Variants in KMT2D observed in about 807,000 individuals in gnomAD.
The protein encoded by KMT2D is lysine methyltransferase 2D.
Under a neutral mutation model 512.7 loss-of-function variants are expected in KMT2D, and 55 were observed. That is an observed-to-expected ratio of 0.11 (90% CI 0.09 to 0.13). The LOEUF (loss-of-function observed/expected upper bound fraction) is 0.13. KMT2D is among the 10% of genes least tolerant of loss of function. The pLI, the probability that KMT2D is intolerant of heterozygous loss-of-function variation, is 1.00. For missense variants in KMT2D, 6,061 were observed against 7,127.9 expected, an observed-to-expected ratio of 0.85 and a Z score of 5.39; for synonymous variants, 2,995 against 2,904.0, an observed-to-expected ratio of 1.03 and a Z score of -1.01.
Position 49,021,564 on chromosome 12 carries a change from C to T in KMT2D, c.*216G>A. On this transcript the variant is annotated 3_prime_UTR_variant, in exon 55 of 55. Transcript: ENST00000301067. ...TGGAGCTGGGGGCAGAGATGCCAGC[C>T]TGAGGGCCGGTGGTGGGGAAGAGGA... 1.8e-6 allele frequency: 1 copy of T among 554,542 alleles called. No homozygotes were observed. The highest frequency in any genetic ancestry group is 2.9e-5 in the East Asian group (1 of 34,396). 34.4% of individuals were successfully genotyped at this position (554,542 alleles called of 1,614,324 possible).
rs2120533005 is a variant in KMT2D, at chr12:49,040,707, C to T, written c.7063G>A (p.Ala2355Thr). 1 of 1,613,654 alleles carries T rather than the reference C, an allele frequency of 6.2e-7. No individual in the cohort carries two copies. Among genetic ancestry groups the T allele is most frequent in the Non-Finnish European group, 8.5e-7 (1 of 1,179,772 alleles). Residue 2355 changes from alanine to threonine, a missense_variant, in exon 32 of 55, where the codon GCC becomes ACC. Coordinates refer to ENST00000301067, the MANE Select transcript of KMT2D (RefSeq NM_003482.4). ...GGAGGAGAAGGTGCCAAAGCCTGGG[C>T]AGGGGGTGGCTCCTGGGGCCTTAGG... Reference protein sequence around the residue: ...LGLRPQEPPPAQALAPSPPSH... With the variant: ...LGLRPQEPPPTQALAPSPPSH...
In KMT2D at chr12:49,019,912, C is replaced by T. The variant is rs1481038476; in HGVS notation, c.*1868G>A. On this transcript the variant is annotated 3_prime_UTR_variant, in exon 55 of 55. Transcript: ENST00000301067. ...AAGCTCCCCCTCCAGCAGGCCCGCC[C>T]GTCCACCACCACCAAGCCCACCCCT... 2 of 229,566 alleles carry T rather than the reference C, an allele frequency of 8.7e-6. No individual in the cohort carries two copies. The highest frequency in any genetic ancestry group is 4.5e-5 in the African/African-American group (2 of 44,904). The allele number at this position is 229,566 out of a possible 1,614,324, so 14.2% of individuals were successfully genotyped here.
Position 49,038,096 on chromosome 12 carries a change from C to A in KMT2D, c.9260G>T (p.Arg3087Leu). 2 of 1,613,840 alleles carry A rather than the reference C, an allele frequency of 1.2e-6. No homozygotes were observed. Among genetic ancestry groups the A allele is most frequent in the Non-Finnish European group, 1.7e-6 (2 of 1,179,880 alleles). Residue 3087 changes from arginine (R) to leucine (L), a missense_variant, in exon 35 of 55, where the codon CGG (arginine) becomes CTG (leucine). Arg to Leu is a moderately radical substitution (Grantham distance 102). Transcript: ENST00000301067. This position sits in a 1 kb window ranked among gnomAD's most constrained non-coding sequence, Gnocchi z 5.7. ...NEKAEREALL[R>L]GVEPGPLGPE... ...GCCCAAGGGTCCTGGCTCCACCCCC[C>A]GCAGCAGGGCCTCCCGTTCAGCCTT...
chr12:49,045,697 C>G (rs1233091334), intron 19 of KMT2D, among the ~76,000 whole-genome samples: 1 of 151,692 alleles, frequency 6.6e-6, no homozygotes, highest in African/African-American at 2.4e-5. Context: ...GTGAAGAGAC[C>G]ATGGTGCCTG....
chr12:49,025,885 G>C (rs920199489), intron 49 of KMT2D, among the ~76,000 whole-genome samples: 7 of 152,156 alleles, frequency 4.6e-5, no homozygotes, highest in African/African-American at 1.7e-4. Flanking sequence ...GATTAGGTTG[G>C]GTGAGGCAGA....
rs1235597589 is a variant in KMT2D at position 49,046,096 on chromosome 12, G to A, written c.4662C>T (p.Val1554=). ...GCTTTACCACGTAGGGCTGGCAGGAGACACAGTCAAAGCCTTCATCGGCTG... is the reference window on the plus strand; with the variant it reads ...GCTTTACCACGTAGGGCTGGCAGGAAACACAGTCAAAGCCTTCATCGGCTG... The part of the protein sequence containing the change: ...EQAADEGFDC[V]SCQPYVVKPV... The change falls in exon 18 of 55, where the codon GTC becomes GTT. Residue 1554 remains valine, a synonymous_variant. Coordinates refer to ENST00000301067, the MANE Select transcript of KMT2D (RefSeq NM_003482.4). The surrounding 1 kb of genome is among the most constrained non-coding windows in gnomAD (Gnocchi z 4.2). 1 of 1,611,524 alleles carries A rather than the reference G, an allele frequency of 6.2e-7. No homozygotes were observed. Among genetic ancestry groups the A allele is most frequent in the East Asian group, 2.2e-5 (1 of 44,796 alleles).
chr12:49,039,079 T>C lies in KMT2D; in HGVS notation c.8367-90A>G, dbSNP rs3782358. ...GGGCAGTGAGGAAGGATAGAATTAA[T>C]GCAGTGAGGGAGAAAAGGAATGAGG... On this transcript the variant is annotated intron_variant, in intron 34 of 54. Coordinates refer to ENST00000301067, the MANE Select transcript of KMT2D (RefSeq NM_003482.4). This position sits in a 1 kb window ranked among gnomAD's most constrained non-coding sequence, Gnocchi z 5.0. 435 of 1,514,534 alleles carry C rather than the reference T, an allele frequency of 2.9e-4. 5 individuals are homozygous for C. In the East Asian group the frequency reaches 9.4e-3, roughly 33 times the overall value. 93.8% of individuals were successfully genotyped at this position (1,514,534 alleles called of 1,614,324 possible). A position where few individuals can be genotyped will look rare whatever the true frequency, so the allele number is the denominator to read the frequency against.
At chr12:49,034,513 C>T (rs1223999453) in intron 37 of KMT2D, 37 bp from the exon 38 acceptor site, 1 of 1,612,502 alleles carries the variant, frequency 6.2e-7, no homozygotes, top group Non-Finnish European at 8.5e-7. Flanking sequence ...TCATTGTTCC[C>T]TGCTAGGCCC....
At position 49,052,583 on chromosome 12, in the gene KMT2D, T is replaced by C. The variant is rs752181763; in HGVS notation, c.1239A>G (p.Gln413=). ...ACTCACCTAGTGGTTTGGCTTCACA[T>C]TGCAGGGGCCCTGGTTCCTTGGGTT... ...SMQPKEPGPL[Q]CEAKPLGKAG... Residue 413 remains glutamine, a synonymous_variant, in exon 10 of 55, where the codon CAA becomes CAG. Transcript: ENST00000301067. The C allele has an allele frequency of 5.0e-6, 8 of 1,613,290 alleles. No homozygotes were observed. The highest frequency in any genetic ancestry group is 1.6e-4 in the Middle Eastern group (1 of 6,080).
Position 49,043,148 on chromosome 12 carries a change from T to C in KMT2D, c.5572A>G (p.Ser1858Gly). The change falls in exon 26 of 55, where the codon AGT becomes GGT. Residue 1858 changes from serine (S) to glycine (G), a missense_variant. This residue lies in a region of KMT2D where 640 missense variants were observed against 814.3 expected (regional missense o/e 0.79). Coordinates refer to ENST00000301067, the MANE Select transcript of KMT2D (RefSeq NM_003482.4). ...GGGGTGCCTGGCTTCTCAGGGTCAC[T>C]GGGCACTGGGGATGCCTTCACGCCC... ...DGGVKASPVPSDPEKPGTPGE... is the reference protein window; with the variant it reads ...DGGVKASPVPGDPEKPGTPGE... 6.2e-7 allele frequency: 1 copy of C among 1,613,974 alleles called. No individual in the cohort carries two copies. The highest frequency in any genetic ancestry group is 1.1e-5 in the South Asian group (1 of 91,080).
rs1011473911 is a variant in KMT2D, at chr12:49,040,606, T to C, written c.7164A>G (p.Gln2388=). The part of the protein sequence containing the change: ...YAQPPLTPRP[Q]PPPPESCCAL... ...CACAGCAGCTCTCAGGGGGCGGAGG[T>C]TGGGGCCGAGGAGTCAATGGGGGCT... The change falls in exon 32 of 55, where the codon CAA becomes CAG. Residue 2388 remains glutamine, a synonymous_variant. Transcript: ENST00000301067. 23 of 1,611,434 alleles carry C rather than the reference T, an allele frequency of 1.4e-5. No individual in the cohort carries two copies. The highest frequency in any genetic ancestry group is 1.7e-5 in the Admixed American group (1 of 59,792).
At position 49,053,965 on chromosome 12, in the gene KMT2D, C is replaced by T. The variant is rs2120702501; in HGVS notation, c.673+13G>A. ...TCTCATTTGCCCTATGACCAAAGAT[C>T]AGGACTTCTCACCCAGATATGCAGC... On this transcript the variant is annotated intron_variant, in intron 6 of 54. Transcript: ENST00000301067. The T allele has an allele frequency of 2.5e-6, 4 of 1,612,054 alleles. No homozygotes were observed. Among genetic ancestry groups the T allele is most frequent in the Non-Finnish European group, 3.4e-6 (4 of 1,178,662 alleles).
chr12:49,048,761 G>A lies in KMT2D; in HGVS notation c.4029C>T (p.Asp1343=), dbSNP rs750087962. ...ASSIETLVVA[D]IDSSPSKEEE... The stretch of plus-strand genomic sequence containing the variant: ...CCTCCTTACTGGGAGAGCTATCAAT[G>A]TCAGCAACCTGATGGGCAGAGAGTT... The change falls in exon 14 of 55, where the codon GAC becomes GAT. Residue 1343 remains aspartate (D), a synonymous_variant. Transcript: ENST00000301067. The A allele has an allele frequency of 6.3e-7, 1 of 1,598,640 alleles. No individual in the cohort carries two copies. The highest frequency in any genetic ancestry group is 1.1e-5 in the South Asian group (1 of 90,660).
In KMT2D at chr12:49,051,024, CAGGGGG is replaced by C; in HGVS notation, c.2653_2658del (p.Pro885_Pro886del). The C allele has an allele frequency of 6.4e-7, 1 of 1,558,404 alleles. No individual in the cohort carries two copies. Among genetic ancestry groups the C allele is most frequent in the Non-Finnish European group, 8.7e-7 (1 of 1,154,234 alleles). The stretch of plus-strand genomic sequence containing the variant: ...AGCAAGGGAGATAAGGATGGTTCCC[CAGGGGG>C]AGGGAACAAGGGCAGCTCCTCAGGT... On this transcript the variant is annotated inframe_deletion, in exon 11 of 55. Coordinates refer to ENST00000301067, the MANE Select transcript of KMT2D (RefSeq NM_003482.4).
At position 49,033,161 on chromosome 12, in the gene KMT2D, C is replaced by T; in HGVS notation, c.11544G>A (p.Met3848Ile). ...GCTGGGCTGTGACCAGCCTGTGTCCCATAAGGCCCTGACCCTGCTGTGCCA... is the reference window on the plus strand; with the variant it reads ...GCTGGGCTGTGACCAGCCTGTGTCCTATAAGGCCCTGACCCTGCTGTGCCA... ...PQLAQQGQGL[M>I]GHRLVTAQQQ... The change falls in exon 40 of 55, where the codon ATG becomes ATA. Residue 3848 changes from methionine (M) to isoleucine (I), a missense_variant. Physicochemically the swap from Met to Ile is conservative, Grantham distance 10. Coordinates refer to ENST00000301067, the MANE Select transcript of KMT2D (RefSeq NM_003482.4). The T allele has an allele frequency of 6.4e-7, 1 of 1,550,808 alleles. No individual in the cohort carries two copies. The highest frequency in any genetic ancestry group is 8.7e-7 in the Non-Finnish European group (1 of 1,146,482).
At position 49,019,245 on chromosome 12, in the gene KMT2D, G is replaced by C; in HGVS notation, c.*2535C>G. 2.3e-6 allele frequency: 2 copies of C among 854,964 alleles called. No homozygotes were observed. Among genetic ancestry groups the C allele is most frequent in the Non-Finnish European group, 2.9e-6 (2 of 687,634 alleles). The allele number at this position is 854,964 out of a possible 1,614,324, so 53.0% of individuals were successfully genotyped here. ...TAAAGTCTTCACGGGATTCACACTT[G>C]TCAGCGATTTATTTTTTAAAAAGGG... On this transcript the variant is annotated 3_prime_UTR_variant, in exon 55 of 55. Transcript: ENST00000301067.
At position 49,031,639 on chromosome 12, in the gene KMT2D, C is replaced by G; in HGVS notation, c.13066G>C (p.Gly4356Arg). 1 of 1,604,464 alleles carries G rather than the reference C, an allele frequency of 6.2e-7. No homozygotes were observed. Among genetic ancestry groups the G allele is most frequent in the African/African-American group, 1.3e-5 (1 of 74,918 alleles). ...TGGGCAGCAGCAGGTGAGACCCTCC[C>G]AGGAGGCGGCTCCAAGGTTGGCCCC... ...PQGPTLEPPP[G>R]RVSPAAAQLA... The change falls in exon 40 of 55, where the codon GGG (glycine) becomes CGG (arginine). Residue 4356 changes from glycine to arginine, a missense_variant. Around this residue, in one of 16 missense-constraint regions of KMT2D, gnomAD observed 1,600 missense variants for 1,754.9 expected, o/e 0.91. Transcript: ENST00000301067.
rs1938234017 is a variant in KMT2D at position 49,053,790 on chromosome 12, TAGGC to T, written c.674-153_674-150del. ...GCCCAACGTCTGCCAGCTACTGTTC[TAGGC>T]ACTGGAGACAAAATGATAAATGAGA... On this transcript the variant is annotated intron_variant, in intron 6 of 54. Coordinates refer to ENST00000301067, the MANE Select transcript of KMT2D (RefSeq NM_003482.4). 19 of 1,131,348 alleles carry T rather than the reference TAGGC, an allele frequency of 1.7e-5. No homozygotes were observed. In the East Asian group the frequency reaches 4.9e-4, roughly 29 times the overall value. 70.1% of individuals were successfully genotyped at this position (1,131,348 alleles called of 1,614,324 possible). A position where few individuals can be genotyped will look rare whatever the true frequency, so the allele number is the denominator to read the frequency against.
chr12:49,048,855 T>A, intron 13 of KMT2D, 86 bp from the exon 14 acceptor site: 1 of 913,632 alleles, frequency 1.1e-6, no homozygotes, highest in South Asian at 1.5e-5. Flanking sequence ...GGGAAGAAAG[T>A]GTGAACCCTT....
Sources: allele counts gnomAD v4.1 joint callset (sites outside exome capture counted in the v4.1 genomes callset), GRCh38; gene constraint gnomAD v4.1.1; regional missense constraint gnomAD v4.1.1; non-coding constraint Gnocchi (gnomAD v3.1); transcripts MANE v1.5; gene names NCBI Gene and HGNC (gene_info 2026-07-23, HGNC 2026-07-21).